SPEG: variants seen among roughly 807,000 people sequenced by gnomAD.
The protein encoded by SPEG is striated muscle preferentially expressed protein kinase.
SPEG carries 114 observed loss-of-function variants against 300.4 expected under a neutral mutation model. The observed-to-expected ratio is 0.38, with a 90% CI of 0.33 to 0.44. The LOEUF (loss-of-function observed/expected upper bound fraction) is 0.44, where lower values mean the gene tolerates loss of function less well. Among genes scored for constraint, SPEG ranks in the 20% least tolerant of loss-of-function variants. The pLI is 1.00. For missense variants in SPEG, 4,201 were observed against 4,586.2 expected, an observed-to-expected ratio of 0.92 and a Z score of 2.43; for synonymous variants, 1,964 against 2,018.9, an observed-to-expected ratio of 0.97 and a Z score of 0.73.
chr2:219,492,258 C>G lies in SPEG; in HGVS notation c.9609C>G (p.Pro3203=). ...TGCGAAAGGTTCTCTCTGTACATCC[C>G]TGGTGAGTGAGCCCCACACCTGCTA... ...LFLRKVLSVH[P]WSRPSLQDCL... The change falls in exon 40 of 41, where the codon CCC becomes CCG. Residue 3203 remains proline (P), a splice_region_variant and synonymous_variant. Transcript: ENST00000312358. 1.9e-6 allele frequency: 3 copies of G among 1,611,672 alleles called. No individual in the cohort carries two copies. The highest frequency in any genetic ancestry group is 2.5e-6 in the Non-Finnish European group (3 of 1,178,460).
Position 219,473,595 on chromosome 2 carries a change from C to T in SPEG, c.4239C>T (p.Phe1413=), listed in dbSNP as rs1275033334. ...EGQPASVTVT[F]NHVEAQVVWR... The stretch of plus-strand genomic sequence containing the variant: ...AGCCTGCCAGCGTCACCGTCACATT[C>T]AACCATGTGGAGGCCCAGGTCGTCT... The change falls in exon 17 of 41, where the codon TTC becomes TTT. Residue 1413 remains phenylalanine, a synonymous_variant. Coordinates refer to ENST00000312358, the MANE Select transcript of SPEG (RefSeq NM_005876.5). This position sits in a 1 kb window ranked among gnomAD's most constrained non-coding sequence, Gnocchi z 4.6. The T allele has an allele frequency of 6.2e-7, 1 of 1,614,110 alleles. No individual in the cohort carries two copies.
chr2:219,443,319 A>C lies in SPEG; in HGVS notation c.389-1334A>C. On this transcript the variant is annotated intron_variant, in intron 1 of 40. Transcript: ENST00000312358. The surrounding 1 kb of genome is among the most constrained non-coding windows in gnomAD (Gnocchi z 4.6). ...CCCGACCAGGCCCCCTGTGCCCTAC[A>C]GCTGAGAGAGGACCCAGCAGAAGGG... is the stretch of plus-strand genomic sequence containing the variant. 1 of 741,026 alleles carries C rather than the reference A, an allele frequency of 1.3e-6. No homozygotes were observed. The highest frequency in any genetic ancestry group is 2.4e-6 in the Non-Finnish European group (1 of 408,872). 45.9% of individuals were successfully genotyped at this position (741,026 alleles called of 1,614,324 possible). A position where few individuals can be genotyped will look rare whatever the true frequency, so the allele number is the denominator to read the frequency against.
In SPEG at chr2:219,480,240, C is replaced by A; in HGVS notation, c.5342+100C>A. On this transcript the variant is annotated intron_variant, in intron 25 of 40. Transcript: ENST00000312358. The surrounding 1 kb of genome is among the most constrained non-coding windows in gnomAD (Gnocchi z 5.3). ...AGGGAGATTTACCGAGCCTGAATTC[C>A]TCCTGAAGGTGGGCTGGAGGCATTG... 7.5e-7 allele frequency: 1 copy of A among 1,326,218 alleles called. No individual in the cohort carries two copies. The highest frequency in any genetic ancestry group is 1.3e-5 in the South Asian group (1 of 75,900). The allele number at this position is 1,326,218 out of a possible 1,614,324, so 82.2% of individuals were successfully genotyped here.
chr2:219,468,892 T>C lies in SPEG; in HGVS notation c.3335T>C (p.Leu1112Pro), dbSNP rs1367521301. ...ATGGAGGAGAGTGAGAACTTGCGGC[T>C]GCGGCAGGACGGGGGTCTGCACTCA... ...CPMEESENLR[L>P]RQDGGLHSLH... Residue 1112 changes from leucine to proline, a missense_variant, in exon 12 of 41, where the codon CTG becomes CCG. Transcript: ENST00000312358. The C allele has an allele frequency of 6.2e-7, 1 of 1,613,434 alleles. No homozygotes were observed. The highest frequency in any genetic ancestry group is 8.5e-7 in the Non-Finnish European group (1 of 1,179,838).
At position 219,451,628 on chromosome 2, in the gene SPEG, C is replaced by T. The variant is rs776110072; in HGVS notation, c.2261C>T (p.Ser754Phe). ...GGGTCCCTGTGCCTCCCCACAGTGT[C>T]CTGGCACAAGGATGGGTCAGCGCTG... ...IITANPPPQV[S>F]WHKDGSALRS... is the part of the protein sequence containing the mutation. The change falls in exon 6 of 41, where the codon TCC (serine) becomes TTC (phenylalanine). Residue 754 changes from serine (S) to phenylalanine (F), a missense_variant. Transcript: ENST00000312358. The surrounding 1 kb of genome is among the most constrained non-coding windows in gnomAD (Gnocchi z 6.4). 19 of 1,558,452 alleles carry T rather than the reference C, an allele frequency of 1.2e-5. No homozygotes were observed. The highest frequency in any genetic ancestry group is 1.6e-5 in the Non-Finnish European group (18 of 1,153,146).
At chr2:219,455,408 A>T (rs1322672461) in intron 6 of SPEG, among the ~76,000 whole-genome samples, 1 of 152,230 alleles carries the variant, frequency 6.6e-6, no homozygotes, top group Admixed American at 6.5e-5. Context: ...CCCTAGCTAC[A>T]TGTGGTTAGT....
rs952727610 is a variant in SPEG at position 219,484,912 on chromosome 2, C to T, written c.7449C>T (p.Arg2483=). 3.9e-6 allele frequency: 6 copies of T among 1,526,274 alleles called. No homozygotes were observed. The Admixed American group carries it at 1.2e-4, about 30-fold the overall frequency. The allele number at this position is 1,526,274 out of a possible 1,614,324, so 94.5% of individuals were successfully genotyped here. The change falls in exon 30 of 41, where the codon CGC becomes CGT. Residue 2483 remains arginine (R), a synonymous_variant. Coordinates refer to ENST00000312358, the MANE Select transcript of SPEG (RefSeq NM_005876.5). ...AGGACTCGGGGGGCGCGTCGGGCCG[C>T]AGCACGCCGCTGTTCGGACGGCTTC... ...SSEDSGGASG[R]STPLFGRLRR... is the part of the protein sequence containing the mutation.
chr2:219,461,751 G>C, intron 6 of SPEG, 131 bp from the exon 7 acceptor site: 1 of 1,026,520 alleles, frequency 9.7e-7, no homozygotes, highest in Admixed American at 2.2e-5. Context: ...CAGGAGCCTG[G>C]GGGTGAAGTC....
intron 9 of SPEG, chr2:219,466,130 C>T (rs1205023396): frequency 7.0e-6 from 11 of 1,566,778 alleles, no homozygotes; most frequent in African/African-American, 2.7e-5. Context: ...AGGCACCTCT[C>T]GGACCTCGCT....
chr2:219,470,661 A>T (rs1200712037), intron 13 of SPEG, among the ~76,000 whole-genome samples: 1 of 152,184 alleles, frequency 6.6e-6, no homozygotes, highest in Non-Finnish European at 1.5e-5. Context: ...ATGAAGGAGG[A>T]CAGTGCAGGC....
At position 219,484,324 on chromosome 2, in the gene SPEG, G is replaced by C; in HGVS notation, c.6861G>C (p.Pro2287=). Reference sequence around the variant, plus strand: ...TTGCCAGGGTGGCCTCCCCACCTCCGGGAGCCCCCGAGAAGCGCGTGCCCT... The same window carrying C: ...TTGCCAGGGTGGCCTCCCCACCTCCCGGAGCCCCCGAGAAGCGCGTGCCCT... The part of the protein sequence containing the change: ...AVFARVASPP[P]GAPEKRVPSA... The change falls in exon 30 of 41, where the codon CCG becomes CCC. Residue 2287 remains proline, a synonymous_variant. Transcript: ENST00000312358. The C allele has an allele frequency of 6.2e-7, 1 of 1,603,926 alleles. No individual in the cohort carries two copies. Among genetic ancestry groups the C allele is most frequent in the Non-Finnish European group, 8.5e-7 (1 of 1,178,544 alleles).
Position 219,458,462 on chromosome 2 carries a change from G to A in SPEG, c.2441-3420G>A, listed in dbSNP as rs1038230631. Reference sequence around the variant, plus strand: ...AATGCAGATTATTGGCCCCAGCCCCGACCTACTGAATCGGAAATTCCGTGG... The same window carrying A: ...AATGCAGATTATTGGCCCCAGCCCCAACCTACTGAATCGGAAATTCCGTGG... On this transcript the variant is annotated intron_variant, in intron 6 of 40. Coordinates refer to ENST00000312358, the MANE Select transcript of SPEG (RefSeq NM_005876.5). This position sits in a 1 kb window ranked among gnomAD's most constrained non-coding sequence, Gnocchi z 4.2. 2.4e-4 allele frequency among the ~76,000 whole-genome samples: 37 copies of A among 151,120 alleles called. No homozygotes were observed. The highest frequency in any genetic ancestry group is 8.3e-4 in the African/African-American group (34 of 41,076).
chr2:219,469,059 G>A lies in SPEG; in HGVS notation c.3491+11G>A. 1.9e-6 allele frequency: 3 copies of A among 1,610,122 alleles called. No homozygotes were observed. The highest frequency in any genetic ancestry group is 2.5e-6 in the Non-Finnish European group (3 of 1,177,816). The stretch of plus-strand genomic sequence containing the variant: ...CGCCTCAGGCCCCAGGTACCACCGG[G>A]GCCCCAAATGATGCTGGGGCTGCCT... On this transcript the variant is annotated intron_variant, in intron 12 of 40. Coordinates refer to ENST00000312358, the MANE Select transcript of SPEG (RefSeq NM_005876.5).
In SPEG at chr2:219,477,620, A is replaced by G; in HGVS notation, c.4730-69A>G. 1 of 1,425,852 alleles carries G rather than the reference A, an allele frequency of 7.0e-7. No individual in the cohort carries two copies. Among genetic ancestry groups the G allele is most frequent in the South Asian group, 1.3e-5 (1 of 74,404 alleles). The allele number at this position is 1,425,852 out of a possible 1,614,324, so 88.3% of individuals were successfully genotyped here. On this transcript the variant is annotated intron_variant, in intron 20 of 40. Coordinates refer to ENST00000312358, the MANE Select transcript of SPEG (RefSeq NM_005876.5). This position sits in a 1 kb window ranked among gnomAD's most constrained non-coding sequence, Gnocchi z 6.4. ...CCTCTTCTCTCTTCTTCTTCTGTCC[A>G]CCTGTCCCAGTCTCTGGCCTGCTTG...
In SPEG at chr2:219,484,436, GAAA is replaced by G. The variant is rs1693183828; in HGVS notation, c.6975_6977del (p.Glu2325_Asn2326delinsAsp). 5.6e-6 allele frequency: 9 copies of G among 1,611,288 alleles called. No homozygotes were observed. Among genetic ancestry groups the G allele is most frequent in the Non-Finnish European group, 7.6e-6 (9 of 1,179,828 alleles). ...AGGCAGCAGTCTCAGTAGCAGCATC[GAAA>G]ACTTGGAGTCGGAGGCCGTGTTCGA... On this transcript the variant is annotated inframe_deletion, in exon 30 of 41. Coordinates refer to ENST00000312358, the MANE Select transcript of SPEG (RefSeq NM_005876.5).
rs1422440335 is a variant in SPEG, at chr2:219,480,253, G to C, written c.5342+113G>C. On this transcript the variant is annotated intron_variant, in intron 25 of 40. Transcript: ENST00000312358. This position sits in a 1 kb window ranked among gnomAD's most constrained non-coding sequence, Gnocchi z 5.3. Reference sequence around the variant, plus strand: ...GAGCCTGAATTCCTCCTGAAGGTGGGCTGGAGGCATTGTTTGCAGGGTCTC... The same window carrying C: ...GAGCCTGAATTCCTCCTGAAGGTGGCCTGGAGGCATTGTTTGCAGGGTCTC... 5 of 1,179,678 alleles carry C rather than the reference G, an allele frequency of 4.2e-6. No individual in the cohort carries two copies. In the African/African-American group the frequency reaches 6.1e-5, roughly 14 times the overall value. 73.1% of individuals were successfully genotyped at this position (1,179,678 alleles called of 1,614,324 possible).
rs754722384 is a variant in SPEG at position 219,489,473 on chromosome 2, G to A, written c.8455G>A (p.Val2819Ile). The A allele has an allele frequency of 4.4e-6, 7 of 1,582,338 alleles. No homozygotes were observed. The highest frequency in any genetic ancestry group is 6.0e-6 in the Non-Finnish European group (7 of 1,170,154). The change falls in exon 36 of 41, where the codon GTC becomes ATC. Residue 2819 changes from valine to isoleucine, a missense_variant. Physicochemically the swap from Val to Ile is conservative, Grantham distance 29. Coordinates refer to ENST00000312358, the MANE Select transcript of SPEG (RefSeq NM_005876.5). ...PAAPTPPSVT[V>I]SPSSPPTPPS... ...TGCCCCCACACCCCCGTCAGTCACTGTCAGCCCCTCATCTCCCCCCACACC... is the reference window on the plus strand; with the variant it reads ...TGCCCCCACACCCCCGTCAGTCACTATCAGCCCCTCATCTCCCCCCACACC...
Position 219,482,845 on chromosome 2 carries a change from G to T in SPEG, c.5627G>T (p.Arg1876Met), listed in dbSNP as rs751828739. Reference protein sequence around the residue: ...DHLKLFLSRRRWQRSQISYKC... With the variant: ...DHLKLFLSRRMWQRSQISYKC... ...CTGAAGCTATTCCTCTCCCGGCGGA[G>T]GTGGCAGGTAAGTGTGGCAGGCCAG... Residue 1876 changes from arginine (R) to methionine (M), a missense_variant, in exon 29 of 41, where the codon AGG (arginine) becomes ATG (methionine). Transcript: ENST00000312358. 1.7e-5 allele frequency: 27 copies of T among 1,613,740 alleles called. No homozygotes were observed. Among genetic ancestry groups the T allele is most frequent in the Non-Finnish European group, 2.3e-5 (27 of 1,179,930 alleles).
rs561515444 is a variant in SPEG, at chr2:219,435,155, G to C, written c.178G>C (p.Val60Leu). ...KNAAVCAGSD[V>L]RLRVVVSGTP... is the part of the protein sequence containing the mutation. ...CGCGGCGGTGTGCGCGGGCAGCGACGTGCGGCTGCGGGTGGTGGTGAGCGG... is the reference window on the plus strand; with the variant it reads ...CGCGGCGGTGTGCGCGGGCAGCGACCTGCGGCTGCGGGTGGTGGTGAGCGG... The change falls in exon 1 of 41, where the codon GTG becomes CTG. Residue 60 changes from valine to leucine, a missense_variant. Val to Leu is a conservative substitution (Grantham distance 32). Coordinates refer to ENST00000312358, the MANE Select transcript of SPEG (RefSeq NM_005876.5). 27 of 1,468,842 alleles carry C rather than the reference G, an allele frequency of 1.8e-5. No homozygotes were observed. Among genetic ancestry groups the C allele is most frequent in the East Asian group, 2.9e-5 (1 of 34,336 alleles). 91.0% of individuals were successfully genotyped at this position (1,468,842 alleles called of 1,614,324 possible). A position where few individuals can be genotyped will look rare whatever the true frequency, so the allele number is the denominator to read the frequency against.
Sources: allele counts gnomAD v4.1 joint callset (sites outside exome capture counted in the v4.1 genomes callset), GRCh38; gene constraint gnomAD v4.1.1; non-coding constraint Gnocchi (gnomAD v3.1); transcripts MANE v1.5; gene names NCBI Gene and HGNC (gene_info 2026-07-23, HGNC 2026-07-21).